The following AQR variants were observed in gnomAD, a reference collection of about 807,000 sequenced individuals.
The protein encoded by AQR is RNA helicase aquarius.
AQR carries 61 observed loss-of-function variants against 180.5 expected under a neutral mutation model. The observed-to-expected ratio is 0.34, with a 90% confidence interval of 0.28 to 0.42. The LOEUF (loss-of-function observed/expected upper bound fraction) is 0.42, where lower values mean the gene tolerates loss of function less well. AQR is among the 10% of genes least tolerant of loss of function. The pLI, the probability that AQR is intolerant of heterozygous loss-of-function variation, is 1.00. For missense variants in AQR, 1,281 were observed against 1,798.3 expected, an observed-to-expected ratio of 0.71 and a Z score of 5.20; for synonymous variants, 551 against 588.8, an observed-to-expected ratio of 0.94 and a Z score of 0.93.
At chr15:34,934,205 TTTTTATTGTA>T (rs1216370708) in intron 10 of AQR, among the ~76,000 whole-genome samples, 18 of 151,214 alleles carry the variant, frequency 1.2e-4, no homozygotes, top group Non-Finnish European at 2.1e-4. Context: ...TCTTAATGTA[TTTTTATTGTA>T]TTTTATTGTA....
At position 34,886,982 on chromosome 15, in the gene AQR, G is replaced by A. The variant is rs564030048; in HGVS notation, c.2682-321C>T. On this transcript the variant is annotated intron_variant, in intron 24 of 34. Transcript: ENST00000156471. ...TACTAAAAATACAAAAAAATTAGCC[G>A]GGCATGGTGGCGGGCACCTGTAGTC... Among the ~76,000 whole-genome samples the A allele has an allele frequency of 7.9e-5, 12 of 151,992 alleles. No homozygotes were observed. The South Asian group carries it at 1.0e-3, about 13-fold the overall frequency.
intron 3 of AQR, among the ~76,000 whole-genome samples, chr15:34,958,275 G>T (rs972401757): frequency 6.6e-6 from 1 of 152,128 alleles, no homozygotes; most frequent in African/African-American, 2.4e-5. Context: ...AGCACTTTGG[G>T]CGGTCAAAGT....
chr15:34,883,604 T>C (rs747499080), intron 26 of AQR, among the ~76,000 whole-genome samples: 7 of 152,182 alleles, frequency 4.6e-5, no homozygotes, highest in Non-Finnish European at 7.4e-5. Context: ...TTCTAGGAAG[T>C]AGGTATGTAA....
chr15:34,964,587 C>T (rs2050299637), intron 1 of AQR: 1 of 428,960 alleles, frequency 2.3e-6, no homozygotes, highest in Non-Finnish European at 4.3e-6. Context: ...CAGAGCCAAA[C>T]ATCTTCAGCA....
At chr15:34,915,540 C>T (rs1385959092) in intron 15 of AQR, among the ~76,000 whole-genome samples, 2 of 151,978 alleles carry the variant, frequency 1.3e-5, no homozygotes, top group Non-Finnish European at 2.9e-5. Flanking sequence ...AAAACTGGCA[C>T]CTCAAAACTA....
chr15:34,909,404 GC>G (rs1893465980), intron 17 of AQR, among the ~76,000 whole-genome samples: 1 of 152,114 alleles, frequency 6.6e-6, no homozygotes, highest in Non-Finnish European at 1.5e-5. Context: ...GAACATATCT[GC>G]CTCCAAAACA....
At chr15:34,865,402 C>G (rs956266253) in intron 32 of AQR, among the ~76,000 whole-genome samples, 7 of 152,128 alleles carry the variant, frequency 4.6e-5, no homozygotes, top group African/African-American at 1.7e-4. Flanking sequence ...GCCTCTGGAA[C>G]TGAAGCTGGC....
chr15:34,897,898 T>C (rs547250754), intron 20 of AQR, among the ~76,000 whole-genome samples, 193 bp from the exon 21 acceptor site: 12 of 152,322 alleles, frequency 7.9e-5, no homozygotes, highest in African/African-American at 2.9e-4. Context: ...TTTTCAAATT[T>C]AAAAAAGTCA....
chr15:34,969,283 T>C (rs1200447425), intron 1 of AQR, among the ~76,000 whole-genome samples: 1 of 152,100 alleles, frequency 6.6e-6, no homozygotes, highest in Non-Finnish European at 1.5e-5. Flanking sequence ...ACTCATACAG[T>C]AGTTTTATTT....
chr15:34,895,187 AATAT>A (rs1180797707), intron 22 of AQR, among the ~76,000 whole-genome samples: 316 of 12,926 alleles, frequency 0.024, 6 homozygotes, highest in East Asian at 0.041. Flanking sequence ...AAAAAAAAAA[AATAT>A]ATATATATAT....
intron 9 of AQR, among the ~76,000 whole-genome samples, chr15:34,937,272 AC>A (rs1393094225): frequency 2.0e-5 from 3 of 151,770 alleles, no homozygotes; most frequent in African/African-American, 7.3e-5. Flanking sequence ...TGATCCACCC[AC>A]CTCAGCCTCC....
At chr15:34,913,457 A>G (rs1893529958) in intron 16 of AQR, among the ~76,000 whole-genome samples, 1 of 152,214 alleles carries the variant, frequency 6.6e-6, no homozygotes, top group African/African-American at 2.4e-5. Flanking sequence ...GACATTTTTA[A>G]TAATTTTCAA....
Position 34,915,102 on chromosome 15 carries a change from G to C in AQR, c.1420C>G (p.Arg474Gly), listed in dbSNP as rs768894484. ...CGAATTTCATAAGTTGATTCTAAGCGGAAGAGGTTAAAGTTCCTTAGCAGG... is the reference window on the plus strand; with the variant it reads ...CGAATTTCATAAGTTGATTCTAAGCCGAAGAGGTTAAAGTTCCTTAGCAGG... ...DYLLRNFNLFRLESTYEIRQD... is the reference protein window; with the variant it reads ...DYLLRNFNLFGLESTYEIRQD... The change falls in exon 16 of 35, where the codon CGC becomes GGC. Residue 474 changes from arginine (R) to glycine (G), a missense_variant. Physicochemically the swap from Arg to Gly is moderately radical, Grantham distance 125. Around this residue, in one of 9 missense-constraint regions of AQR, gnomAD observed 200 missense variants for 293.4 expected, o/e 0.68. Coordinates refer to ENST00000156471, the MANE Select transcript of AQR (RefSeq NM_014691.3). 1 of 1,613,384 alleles carries C rather than the reference G, an allele frequency of 6.2e-7. No individual in the cohort carries two copies. Among genetic ancestry groups the C allele is most frequent in the Non-Finnish European group, 8.5e-7 (1 of 1,179,854 alleles).
intron 27 of AQR, 113 bp downstream of exon 27, chr15:34,882,389 T>C: frequency 1.7e-6 from 2 of 1,156,740 alleles, no homozygotes; most frequent in Non-Finnish European, 2.3e-6. Context: ...GATATTATCA[T>C]CCACTTATAA....
At chr15:34,946,820 C>G (rs1431615730) in intron 5 of AQR, among the ~76,000 whole-genome samples, 1 of 149,908 alleles carries the variant, frequency 6.7e-6, no homozygotes, top group Non-Finnish European at 1.5e-5. Context: ...CGTCTCTGCC[C>G]GGCCGCCCCT....
chr15:34,949,810 A>C (rs868254404), intron 4 of AQR, among the ~76,000 whole-genome samples: 17 of 147,326 alleles, frequency 1.2e-4, no homozygotes, highest in East Asian at 2.0e-4. Context: ...AAAAAAAAAA[A>C]AAACCACTAG....
intron 17 of AQR, 37 bp from the exon 18 acceptor site, chr15:34,906,749 T>G (rs1893425419): frequency 6.3e-7 from 1 of 1,584,134 alleles, no homozygotes; most frequent in East Asian, 2.2e-5. Flanking sequence ...TTATTAGAAT[T>G]TCATTGTTTT....
chr15:34,861,105 A>C (rs1892665122), intron 33 of AQR, among the ~76,000 whole-genome samples: 1 of 152,250 alleles, frequency 6.6e-6, no homozygotes, highest in Non-Finnish European at 1.5e-5. Context: ...AAAATCATTA[A>C]GGTAAAAAAC....
chr15:34,917,877 G>A (rs945734527), intron 15 of AQR, among the ~76,000 whole-genome samples: 11 of 150,342 alleles, frequency 7.3e-5, no homozygotes, highest in Non-Finnish European at 1.2e-4. Context: ...CCAGGTACTC[G>A]GGAGGCTGAA....
Sources: gnomAD v4.1 joint callset for allele counts (sites outside exome capture counted in the v4.1 genomes callset) on GRCh38, gnomAD v4.1.1 for gene constraint, gnomAD v4.1.1 regional missense constraint, MANE v1.5 for transcripts, NCBI Gene and HGNC (gene_info 2026-07-23, HGNC 2026-07-21) for gene names.